COL5A1: variants seen among roughly 807,000 people sequenced by gnomAD.
COL5A1 encodes the protein collagen alpha-1(V) chain.
A neutral mutation model predicts 263.7 loss-of-function variants in COL5A1; 16 were observed. The observed-to-expected ratio is 0.06, with a 90% confidence interval of 0.04 to 0.09. COL5A1 has a LOEUF of 0.09. COL5A1 is among the 10% of genes least tolerant of loss of function. The pLI is 1.00. For missense variants in COL5A1, 2,036 were observed against 2,540.5 expected, an observed-to-expected ratio of 0.80 and a Z score of 4.27; for synonymous variants, 1,012 against 1,004.5, an observed-to-expected ratio of 1.01 and a Z score of -0.14.
At chr9:134,721,773 C>T (rs1834471591) in intron 4 of COL5A1, among the ~76,000 whole-genome samples, 1 of 152,244 alleles carries the variant, frequency 6.6e-6, no homozygotes, top group Non-Finnish European at 1.5e-5. Context: ...TCAGGGGAGG[C>T]ATCCGCTCTG....
In COL5A1 at chr9:134,794,394, T is replaced by C. The variant is rs1465511421; in HGVS notation, c.2701-688T>C. On this transcript the variant is annotated intron_variant, in intron 32 of 65. Transcript: ENST00000371817. The surrounding 1 kb of genome is among the most constrained non-coding windows in gnomAD (Gnocchi z 4.3). ...AGCTGAGTTGGGACACGGTGGGGGA[T>C]GTAGGGGCCCCTGCGTGTTCAGCCC... Among the ~76,000 whole-genome samples the C allele has an allele frequency of 6.6e-6, 1 of 151,782 alleles. No homozygotes were observed. Among genetic ancestry groups the C allele is most frequent in the Non-Finnish European group, 1.5e-5 (1 of 67,938 alleles).
chr9:134,819,792 C>T (rs1838919851), intron 57 of COL5A1, among the ~76,000 whole-genome samples: 1 of 152,200 alleles, frequency 6.6e-6, no homozygotes, highest in African/African-American at 2.4e-5. Context: ...TTCGGATTTG[C>T]CATAGGAAAT....
In COL5A1 at chr9:134,836,649, G is replaced by A. The variant is rs569030787; in HGVS notation, c.5370+1445G>A. Among the ~76,000 whole-genome samples, 3 of 152,348 alleles carry A rather than the reference G, an allele frequency of 2.0e-5. No homozygotes were observed. The East Asian group carries it at 5.8e-4, about 29-fold the overall frequency. On this transcript the variant is annotated intron_variant, in intron 65 of 65. Coordinates refer to ENST00000371817, the MANE Select transcript of COL5A1 (RefSeq NM_000093.5). ...GAGTGCAAGGCCTGTCTGTAGCCCT[G>A]GGAGCAGAGTGGACCTGGGTTCCAA...
In COL5A1 at chr9:134,716,964, C is replaced by T. The variant is rs1287327433; in HGVS notation, c.655-10302C>T. On this transcript the variant is annotated intron_variant, in intron 4 of 65. Transcript: ENST00000371817. The surrounding 1 kb of genome is among the most constrained non-coding windows in gnomAD (Gnocchi z 4.5). ...CATGAAAATATTTCTCTGACACTCT[C>T]GTTAATAGTGTGAAACTCGTTCTCA... 6.6e-6 allele frequency among the ~76,000 whole-genome samples: 1 copy of T among 152,092 alleles called. No homozygotes were observed. The highest frequency in any genetic ancestry group is 2.4e-5 in the African/African-American group (1 of 41,366).
At position 134,682,234 on chromosome 9, in the gene COL5A1, A is replaced by T. The variant is rs1243373337; in HGVS notation, c.110-8678A>T. ...GGGTGTCCCCAGAGCCGACAGCACTATTCGGCTGGGTGCCAGGGACCCAGC... is the reference window on the plus strand; with the variant it reads ...GGGTGTCCCCAGAGCCGACAGCACTTTTCGGCTGGGTGCCAGGGACCCAGC... On this transcript the variant is annotated intron_variant, in intron 1 of 65. Transcript: ENST00000371817. The surrounding 1 kb of genome is among the most constrained non-coding windows in gnomAD (Gnocchi z 5.1). 6.6e-6 allele frequency among the ~76,000 whole-genome samples: 1 copy of T among 152,166 alleles called. No individual in the cohort carries two copies. Among genetic ancestry groups the T allele is most frequent in the Non-Finnish European group, 1.5e-5 (1 of 68,022 alleles).
intron 24 of COL5A1, among the ~76,000 whole-genome samples, chr9:134,768,126 C>G (rs1417222319): frequency 6.6e-6 from 1 of 152,188 alleles, no homozygotes; most frequent in Non-Finnish European, 1.5e-5. Context: ...GATGCCCCCC[C>G]GGGCCCCAGT....
chr9:134,756,736 C>T (rs1835990290), intron 16 of COL5A1, 29 bp from the exon 17 acceptor site: 3 of 1,612,604 alleles, frequency 1.9e-6, no homozygotes, highest in Non-Finnish European at 2.5e-6. Context: ...GGCTCTTTTG[C>T]ATTGACGGTT....
intron 44 of COL5A1, 142 bp downstream of exon 44, chr9:134,810,450 G>A: frequency 1.3e-6 from 1 of 765,924 alleles, no homozygotes. Flanking sequence ...CCGTGCATGT[G>A]TGTTCCCACA....
At chr9:134,812,780 G>T in intron 48 of COL5A1, 68 bp downstream of exon 48, 2 of 1,062,706 alleles carry the variant, frequency 1.9e-6, no homozygotes, top group South Asian at 2.7e-5. Context: ...GTGTCTGTGT[G>T]TGTGTGTCTG....
At chr9:134,669,517 C>T (rs537665887) in intron 1 of COL5A1, among the ~76,000 whole-genome samples, 105 of 152,130 alleles carry the variant, frequency 6.9e-4, no homozygotes, top group African/African-American at 2.3e-3. Flanking sequence ...CTTCCACTGT[C>T]TACACTAGGC....
chr9:134,759,672 CCA>C (rs1418958422), intron 18 of COL5A1, among the ~76,000 whole-genome samples: 1 of 116,996 alleles, frequency 8.5e-6, no homozygotes, highest in Non-Finnish European at 1.8e-5. Context: ...ATGCACACCC[CCA>C]CACCCCCACA....
intron 11 of COL5A1, among the ~76,000 whole-genome samples, chr9:134,743,182 C>T (rs553160270): frequency 1.1e-4 from 16 of 152,316 alleles, no homozygotes; most frequent in Admixed American, 9.8e-4. Context: ...ACCCCAGGCA[C>T]TCCTGTGTTT....
At chr9:134,648,741 C>G (rs1831560593) in intron 1 of COL5A1, among the ~76,000 whole-genome samples, 1 of 152,216 alleles carries the variant, frequency 6.6e-6, no homozygotes, top group African/African-American at 2.4e-5. Flanking sequence ...TGTGTGGTGT[C>G]ACACTGCTGC....
chr9:134,650,599 G>T (rs1338255960), intron 1 of COL5A1, among the ~76,000 whole-genome samples: 1 of 152,240 alleles, frequency 6.6e-6, no homozygotes, highest in South Asian at 2.1e-4. Flanking sequence ...TGGGAGTAGG[G>T]TGTGGCCAAG....
chr9:134,657,897 G>T (rs148521661), intron 1 of COL5A1, among the ~76,000 whole-genome samples: 26 of 152,046 alleles, frequency 1.7e-4, no homozygotes, highest in Admixed American at 1.2e-3. Context: ...GACTTAGAAG[G>T]TGTGGGTTCC....
intron 48 of COL5A1, 140 bp from the exon 49 acceptor site, chr9:134,813,843 A>G: frequency 1.2e-6 from 1 of 805,064 alleles, no homozygotes; most frequent in South Asian, 1.5e-5. Context: ...GTGTGGGGAC[A>G]GCACTCCCCA....
At position 134,773,271 on chromosome 9, in the gene COL5A1, CTG is replaced by C. The variant is rs559225465; in HGVS notation, c.2331+440_2331+441del. 2.7e-3 allele frequency among the ~76,000 whole-genome samples: 416 copies of C among 152,344 alleles called. 4 individuals are homozygous for C. Among genetic ancestry groups the C allele is most frequent in the African/African-American group, 9.3e-3 (388 of 41,588 alleles). ...TTTCTATGGATGACTGTGTCCGACA[CTG>C]TGAGCGGCTTGTGGTTCCTCCTGCG... On this transcript the variant is annotated intron_variant, in intron 26 of 65. Transcript: ENST00000371817.
At chr9:134,786,581 G>A (rs1259137354) in intron 31 of COL5A1, among the ~76,000 whole-genome samples, 1 of 152,168 alleles carries the variant, frequency 6.6e-6, no homozygotes, top group South Asian at 2.1e-4. Flanking sequence ...CCTCACCGGC[G>A]ATTTGAAGGC....
intron 27 of COL5A1, among the ~76,000 whole-genome samples, chr9:134,779,882 G>T (rs1837188011): frequency 6.6e-6 from 1 of 151,872 alleles, no homozygotes; most frequent in Non-Finnish European, 1.5e-5. Flanking sequence ...TTGGGTCTTT[G>T]CATGAAGAAC....
Sources: gnomAD v4.1 joint callset for allele counts (sites outside exome capture counted in the v4.1 genomes callset) on GRCh38, gnomAD v4.1.1 for gene constraint, Gnocchi (gnomAD v3.1) non-coding constraint, MANE v1.5 for transcripts, NCBI Gene and HGNC (gene_info 2026-07-23, HGNC 2026-07-21) for gene names.